LTBP1: variants seen among roughly 807,000 people sequenced by gnomAD.
LTBP1 encodes latent transforming growth factor beta binding protein 1, also known as latent-transforming growth factor beta-binding protein 1.
LTBP1 carries 129 observed loss-of-function variants against 207.6 expected under a neutral mutation model. The ratio of observed to expected loss-of-function variants is 0.62; its 90% CI spans 0.54 to 0.72. The LOEUF is 0.72. Ranked by LOEUF, LTBP1 falls within the 30% of genes least tolerant of loss-of-function variation. LTBP1 has a pLI of 0.00. For missense variants in LTBP1, 2,281 were observed against 2,217.2 expected, an observed-to-expected ratio of 1.03 and a Z score of -0.58; for synonymous variants, 963 against 833.7, an observed-to-expected ratio of 1.16 and a Z score of -2.67.
intron 3 of LTBP1, among the ~76,000 whole-genome samples, chr2:33,087,098 T>TTTC (rs1474284245): frequency 6.9e-6 from 1 of 145,500 alleles, no homozygotes; most frequent in Admixed American, 6.9e-5. Flanking sequence ...TTTTTTTTTT[T>TTTC]TTTTTTTTTT....
chr2:33,068,218 A>G (rs375782653), intron 3 of LTBP1, among the ~76,000 whole-genome samples: 1 of 151,978 alleles, frequency 6.6e-6, no homozygotes, highest in East Asian at 1.9e-4. Context: ...ATAAATGCCC[A>G]GGAGTGCAGT....
intron 5 of LTBP1, among the ~76,000 whole-genome samples, chr2:33,137,026 C>T (rs2082197531): frequency 6.6e-6 from 1 of 152,160 alleles, no homozygotes; most frequent in South Asian, 2.1e-4. Flanking sequence ...CTATTTCCCT[C>T]TCCTGTTTAA....
intron 31 of LTBP1, among the ~76,000 whole-genome samples, chr2:33,383,602 C>T (rs2095240114): frequency 6.6e-6 from 1 of 152,052 alleles, no homozygotes; most frequent in Non-Finnish European, 1.5e-5. Flanking sequence ...TCACTCTGCT[C>T]AGGCTGGAGT....
intron 26 of LTBP1, among the ~76,000 whole-genome samples, chr2:33,347,822 G>C (rs1329937571): frequency 6.6e-6 from 1 of 152,218 alleles, no homozygotes; most frequent in Non-Finnish European, 1.5e-5. Flanking sequence ...TATCAGCTCA[G>C]GATTTAATAT....
chr2:33,204,975 C>T (rs1290447337), intron 7 of LTBP1, among the ~76,000 whole-genome samples: 1 of 152,126 alleles, frequency 6.6e-6, no homozygotes. Flanking sequence ...CTTCATTTTT[C>T]AAATAATTGG....
chr2:33,036,456 G>GTTTTTTTTTTTT (rs58538593), intron 3 of LTBP1, among the ~76,000 whole-genome samples: 1 of 148,612 alleles, frequency 6.7e-6, no homozygotes, highest in Non-Finnish European at 1.5e-5. Context: ...CATGATGAAC[G>GTTTTTTTTTTTT]TTTTTTTTTT....
At chr2:32,949,136 A>G (rs1676728898) in intron 2 of LTBP1, among the ~76,000 whole-genome samples, 191 bp downstream of exon 2, 1 of 152,236 alleles carries the variant, frequency 6.6e-6, no homozygotes, top group East Asian at 1.9e-4. Context: ...GCCAGCAGCA[A>G]TACATTGTAC....
At position 32,949,066 on chromosome 2, in the gene LTBP1, A is replaced by G. The variant is rs1017630806; in HGVS notation, c.565+121A>G. 29 of 928,458 alleles carry G rather than the reference A, an allele frequency of 3.1e-5. No homozygotes were observed. In the African/African-American group the frequency reaches 4.4e-4, roughly 14 times the overall value. 57.5% of individuals were successfully genotyped at this position (928,458 alleles called of 1,614,324 possible). On this transcript the variant is annotated intron_variant, in intron 2 of 33. Coordinates refer to ENST00000404816, the MANE Select transcript of LTBP1 (RefSeq NM_206943.4). ...GGGGGAAGTTGAAGTCTGAAATACA[A>G]TCCACCCAGGCTTCATTACCACCTA...
intron 2 of LTBP1, among the ~76,000 whole-genome samples, chr2:32,969,260 T>TGTGG (rs1680487419): frequency 6.6e-6 from 1 of 150,896 alleles, no homozygotes; most frequent in African/African-American, 2.5e-5. Flanking sequence ...TGTGTGTGTG[T>TGTGG]GTGTGTGTGT....
Position 33,364,312 on chromosome 2 carries a change from T to G in LTBP1, c.4496T>G (p.Leu1499Arg). The G allele has an allele frequency of 2.5e-6, 4 of 1,614,074 alleles. No homozygotes were observed. Among genetic ancestry groups the G allele is most frequent in the Non-Finnish European group, 3.4e-6 (4 of 1,179,966 alleles). The change falls in exon 30 of 34, where the codon CTG becomes CGG. Residue 1499 changes from leucine to arginine, a missense_variant. Leu to Arg is a moderately radical substitution (Grantham distance 102). Coordinates refer to ENST00000404816, the MANE Select transcript of LTBP1 (RefSeq NM_206943.4). The part of the protein sequence containing the change: ...YNCFCTHPMV[L>R]DASEKRCIRP... ...TGCTTCTGTACTCACCCCATGGTCC[T>G]GGATGCGTCAGAAAAAAGATGTATA...
chr2:33,040,267 T>C (rs1420705055), intron 3 of LTBP1, among the ~76,000 whole-genome samples: 2 of 152,178 alleles, frequency 1.3e-5, no homozygotes, highest in South Asian at 2.1e-4. Flanking sequence ...TAGACCCAGA[T>C]GCTTGGAGCA....
intron 3 of LTBP1, among the ~76,000 whole-genome samples, chr2:33,091,218 G>T (rs2079071044): frequency 6.6e-6 from 1 of 152,110 alleles, no homozygotes; most frequent in South Asian, 2.1e-4. Context: ...GTGGTCGTGG[G>T]GAGTGTGTCA....
At chr2:33,101,128 G>A (rs749287716) in intron 3 of LTBP1, among the ~76,000 whole-genome samples, 2 of 152,162 alleles carry the variant, frequency 1.3e-5, no homozygotes, top group African/African-American at 2.4e-5. Flanking sequence ...CACAGTGCTT[G>A]TAGGGCTAGG....
chr2:32,983,881 T>C (rs1357266355), intron 2 of LTBP1, among the ~76,000 whole-genome samples: 1 of 152,238 alleles, frequency 6.6e-6, no homozygotes, highest in African/African-American at 2.4e-5. Flanking sequence ...GAAAATGGAC[T>C]AATACATTCT....
intron 7 of LTBP1, among the ~76,000 whole-genome samples, chr2:33,202,362 A>C (rs1437768951): frequency 6.6e-6 from 1 of 152,190 alleles, no homozygotes; most frequent in Non-Finnish European, 1.5e-5. Flanking sequence ...GGGTCGATGC[A>C]GATGAGATGG....
chr2:33,071,786 T>G (rs936088470), intron 3 of LTBP1, among the ~76,000 whole-genome samples: 1 of 152,192 alleles, frequency 6.6e-6, no homozygotes, highest in Non-Finnish European at 1.5e-5. Flanking sequence ...GATTCTTCTT[T>G]ATGTCATTTT....
intron 5 of LTBP1, among the ~76,000 whole-genome samples, chr2:33,175,747 A>G (rs75040566): frequency 0.032 from 4,883 of 152,236 alleles, 110 homozygotes; most frequent in Middle Eastern, 0.13. Context: ...AAGACTTGGA[A>G]CCAACCCAAA....
intron 10 of LTBP1, among the ~76,000 whole-genome samples, chr2:33,249,137 A>T (rs971750786): frequency 3.3e-5 from 5 of 151,968 alleles, no homozygotes; most frequent in African/African-American, 1.2e-4. Flanking sequence ...AGACTTTTAA[A>T]CCCTTGCTCT....
intron 3 of LTBP1, among the ~76,000 whole-genome samples, chr2:33,085,701 T>G (rs941327878): frequency 2.0e-5 from 3 of 152,198 alleles, no homozygotes; most frequent in African/African-American, 7.2e-5. Flanking sequence ...GATCATATGC[T>G]TACATAAGAG....
Sources: allele counts gnomAD v4.1 joint callset (sites outside exome capture counted in the v4.1 genomes callset), GRCh38; gene constraint gnomAD v4.1.1; transcripts MANE v1.5; gene names NCBI Gene and HGNC (gene_info 2026-07-23, HGNC 2026-07-21).